Variants in PGPEP1L observed in about 807,000 individuals in gnomAD.
The protein encoded by PGPEP1L is pyroglutamyl-peptidase I like.
A neutral mutation model predicts 6.0 loss-of-function variants in PGPEP1L; 7 were observed. The ratio of observed to expected loss-of-function variants is 1.17; its 90% CI spans 0.66 to 2.19. The LOEUF (loss-of-function observed/expected upper bound fraction) is 2.19. Among genes scored for constraint, PGPEP1L ranks in the 30% most tolerant of loss-of-function variants. The pLI, the probability that PGPEP1L is intolerant of heterozygous loss-of-function variation, is 0.00. For missense variants in PGPEP1L, 209 were observed against 192.5 expected (o/e 1.09, Z -0.51); for synonymous variants, 103 against 83.9 (o/e 1.23, Z -1.24).
intron 2 of PGPEP1L, among the ~76,000 whole-genome samples, chr15:98,972,868 G>A (rs190571943): frequency 4.4e-5 from 3 of 67,442 alleles, no homozygotes; most frequent in African/African-American, 6.5e-5. Context: ...GTGAGACTCC[G>A]TCTCAAAAAA....
At chr15:98,997,548 CCTGT>C (rs2017904807) in intron 2 of PGPEP1L, among the ~76,000 whole-genome samples, 1 of 152,136 alleles carries the variant, frequency 6.6e-6, no homozygotes, top group Non-Finnish European at 1.5e-5. Context: ...CTCCTCAAGG[CCTGT>C]CTGAGGTTGT....
rs1229451144 is a variant in PGPEP1L, at chr15:98,968,391, A to G, written c.*87T>C. 1.5e-6 allele frequency: 2 copies of G among 1,360,470 alleles called. No individual in the cohort carries two copies. The highest frequency in any genetic ancestry group is 2.0e-6 in the Non-Finnish European group (2 of 984,060). The allele number at this position is 1,360,470 out of a possible 1,614,324, so 84.3% of individuals were successfully genotyped here. On this transcript the variant is annotated 3_prime_UTR_variant, in exon 5 of 5. Transcript: ENST00000535714. Reference sequence around the variant, plus strand: ...TTTCCACCCTCTTTGTCTTACAAGCAATTTTTGAAAAAGTTTCTCAATGCA... The same window carrying G: ...TTTCCACCCTCTTTGTCTTACAAGCGATTTTTGAAAAAGTTTCTCAATGCA...
chr15:98,976,904 G>C lies in PGPEP1L; in HGVS notation c.-141-5746C>G, dbSNP rs1457496334. 2.0e-5 allele frequency among the ~76,000 whole-genome samples: 3 copies of C among 151,746 alleles called. 1 individual carries two copies. Among genetic ancestry groups the C allele is most frequent in the African/African-American group, 7.3e-5 (3 of 41,338 alleles). On this transcript the variant is annotated intron_variant, in intron 2 of 4. Transcript: ENST00000535714. Reference sequence around the variant, plus strand: ...CAAGAGGAGAAACAAGGAGGGCCTGGTCAACTTGGGCCTCATGCTCCTCAC... The same window carrying C: ...CAAGAGGAGAAACAAGGAGGGCCTGCTCAACTTGGGCCTCATGCTCCTCAC...
chr15:98,983,622 A>G (rs2017701175), intron 2 of PGPEP1L, among the ~76,000 whole-genome samples: 1 of 152,226 alleles, frequency 6.6e-6, no homozygotes, highest in Non-Finnish European at 1.5e-5. Context: ...TCCAGAAACC[A>G]GGGAATAATG....
chr15:98,994,091 C>T (rs1324300574), intron 2 of PGPEP1L, among the ~76,000 whole-genome samples: 1 of 151,352 alleles, frequency 6.6e-6, no homozygotes, highest in Non-Finnish European at 1.5e-5. Flanking sequence ...CATGGTGAAA[C>T]CCCGTCTGTA....
At chr15:99,003,964 A>T (rs1367913564) in intron 2 of PGPEP1L, among the ~76,000 whole-genome samples, 1 of 148,650 alleles carries the variant, frequency 6.7e-6, no homozygotes, top group Non-Finnish European at 1.5e-5. Flanking sequence ...TTTCCCAAAG[A>T]ACTTTTTCTC....
chr15:98,968,280 T>A lies in PGPEP1L; in HGVS notation c.*198A>T, dbSNP rs2017432090. 3.3e-6 allele frequency: 2 copies of A among 602,452 alleles called. No homozygotes were observed. Among genetic ancestry groups the A allele is most frequent in the African/African-American group, 1.9e-5 (1 of 53,916 alleles). The allele number at this position is 602,452 out of a possible 1,614,324, so 37.3% of individuals were successfully genotyped here. A position where few individuals can be genotyped will look rare whatever the true frequency, so the allele number is the denominator to read the frequency against. On this transcript the variant is annotated 3_prime_UTR_variant, in exon 5 of 5. Coordinates refer to ENST00000535714, the MANE Select transcript of PGPEP1L (RefSeq NM_001167902.2). ...GAAAACCATAACTGAAGCTAGTTCATCCCCTGTGAAATGTCCACCTTTCAG... is the reference window on the plus strand; with the variant it reads ...GAAAACCATAACTGAAGCTAGTTCAACCCCTGTGAAATGTCCACCTTTCAG...
rs558673613 is a variant in PGPEP1L at position 99,000,829 on chromosome 15, C to T, written c.-142+4600G>A. On this transcript the variant is annotated intron_variant, in intron 2 of 4. Coordinates refer to ENST00000535714, the MANE Select transcript of PGPEP1L (RefSeq NM_001167902.2). ...GAGAAAAAAAAGCAGGCTGCGGGAG[C>T]CAACAGTGGCAACCCACTCGGGTCC... Among the ~76,000 whole-genome samples, 9 of 152,220 alleles carry T rather than the reference C, an allele frequency of 5.9e-5. No individual in the cohort carries two copies. In the East Asian group the frequency reaches 1.7e-3, roughly 29 times the overall value.
At chr15:99,004,347 T>C (rs1555473374) in intron 2 of PGPEP1L, among the ~76,000 whole-genome samples, 1 of 151,214 alleles carries the variant, frequency 6.6e-6, no homozygotes, top group East Asian at 1.9e-4. Context: ...AGTTTGAGGC[T>C]GCAGTGAGTT....
chr15:98,971,593 G>T (rs929558193), intron 2 of PGPEP1L, among the ~76,000 whole-genome samples: 2 of 152,158 alleles, frequency 1.3e-5, no homozygotes, highest in Non-Finnish European at 1.5e-5. Flanking sequence ...ACATGAAGAA[G>T]AAATAAAGAC....
At chr15:98,977,268 C>A (rs1191647551) in intron 2 of PGPEP1L, among the ~76,000 whole-genome samples, 1 of 152,068 alleles carries the variant, frequency 6.6e-6, no homozygotes, top group Non-Finnish European at 1.5e-5. Flanking sequence ...TATTACCTTT[C>A]TTCTGCTTAG....
At chr15:98,971,989 AT>A (rs1345543068) in intron 2 of PGPEP1L, among the ~76,000 whole-genome samples, 2 of 152,232 alleles carry the variant, frequency 1.3e-5, no homozygotes, top group African/African-American at 4.8e-5. Flanking sequence ...ATAACTTATT[AT>A]AACTATCCAA....
chr15:98,995,857 C>T (rs551258524), intron 2 of PGPEP1L, among the ~76,000 whole-genome samples: 2 of 152,302 alleles, frequency 1.3e-5, no homozygotes, highest in African/African-American at 4.8e-5. Context: ...CCCTAGGAAA[C>T]CATTAATCCT....
At chr15:98,979,032 GAT>G (rs35480332) in intron 2 of PGPEP1L, among the ~76,000 whole-genome samples, 112,975 of 145,646 alleles carry the variant, frequency 0.78, 43,871 homozygotes, top group South Asian at 0.92. Context: ...CTGGCTACAG[GAT>G]ATATATATAT....
chr15:99,003,086 T>C (rs1473302481), intron 2 of PGPEP1L, among the ~76,000 whole-genome samples: 1 of 151,222 alleles, frequency 6.6e-6, no homozygotes, highest in East Asian at 1.9e-4. Flanking sequence ...GGACAGAACG[T>C]CCCAAAAAGC....
chr15:99,000,732 A>G (rs2017954733), intron 2 of PGPEP1L, among the ~76,000 whole-genome samples: 1 of 152,050 alleles, frequency 6.6e-6, no homozygotes, highest in African/African-American at 2.4e-5. Flanking sequence ...ACCAATCAGC[A>G]CCCTGTCAAA....
chr15:98,971,108 A>C lies in PGPEP1L; in HGVS notation c.-91T>G. 3.1e-6 allele frequency: 5 copies of C among 1,605,854 alleles called. No homozygotes were observed. The highest frequency in any genetic ancestry group is 3.4e-6 in the Non-Finnish European group (4 of 1,175,456). On this transcript the variant is annotated 5_prime_UTR_variant, in exon 3 of 5. Transcript: ENST00000535714. ...CCCTGTAATCTACAGGCAGCTCCAG[A>C]GTCCGCAGCTGCACCACTGTTTCAT... is the stretch of plus-strand genomic sequence containing the variant.
At chr15:98,988,687 C>G (rs1257476338) in intron 2 of PGPEP1L, among the ~76,000 whole-genome samples, 1 of 152,192 alleles carries the variant, frequency 6.6e-6, no homozygotes, top group Non-Finnish European at 1.5e-5. Flanking sequence ...CCCCACGTAT[C>G]CTGACTGGGA....
intron 2 of PGPEP1L, among the ~76,000 whole-genome samples, chr15:98,974,618 C>T (rs934189460): frequency 4.0e-5 from 6 of 151,744 alleles, no homozygotes; most frequent in Non-Finnish European, 2.9e-5. Flanking sequence ...AATGAGGGGC[C>T]GGGCGCGGTG....
Sources: allele counts gnomAD v4.1 joint callset (sites outside exome capture counted in the v4.1 genomes callset), GRCh38; gene constraint gnomAD v4.1.1; transcripts MANE v1.5; gene names NCBI Gene and HGNC (gene_info 2026-07-23, HGNC 2026-07-21).